Variants in NEK6 observed in about 807,000 individuals in gnomAD.
NEK6 encodes the protein NIMA related kinase 6.
Under a neutral mutation model 43.5 loss-of-function variants are expected in NEK6, and 27 were observed. The observed-to-expected ratio is 0.62, with a 90% CI of 0.46 to 0.86. The LOEUF (loss-of-function observed/expected upper bound fraction) is 0.86, where lower values mean the gene tolerates loss of function less well. NEK6 is among the 40% of genes least tolerant of loss of function. The probability of loss-of-function intolerance (pLI) is 0.00; values close to 1 mark genes in which losing one functional copy is unlikely to be tolerated. For missense variants in NEK6, 318 were observed against 414.4 expected (o/e 0.77, Z 2.02); for synonymous variants, 167 against 164.1 (o/e 1.02, Z -0.14).
chr9:124,295,124 C>G (rs552625021), intron 1 of NEK6, among the ~76,000 whole-genome samples: 1 of 152,222 alleles, frequency 6.6e-6, no homozygotes. Context: ...AAGGGGGCAG[C>G]GGGGAACCTG....
rs1291005712 is a variant in NEK6 at position 124,352,027 on chromosome 9, TTTC to T, written c.*1083_*1085del. 2 of 152,700 alleles carry T rather than the reference TTTC, an allele frequency of 1.3e-5. No individual in the cohort carries two copies. Among genetic ancestry groups the T allele is most frequent in the Non-Finnish European group, 2.9e-5 (2 of 68,052 alleles). The allele number at this position is 152,700 out of a possible 1,614,324, so 9.5% of individuals were successfully genotyped here. A position where few individuals can be genotyped will look rare whatever the true frequency, so the allele number is the denominator to read the frequency against. On this transcript the variant is annotated 3_prime_UTR_variant, in exon 10 of 10. Transcript: ENST00000320246. ...TAGGAAACCAGAAATGTGTTCCTTA[TTTC>T]TTGTTCCCAAACAGGATTAACTGTG...
intron 1 of NEK6, among the ~76,000 whole-genome samples, chr9:124,266,073 CGTG>C (rs1255368535): frequency 2.0e-5 from 3 of 152,002 alleles, no homozygotes; most frequent in Non-Finnish European, 4.4e-5. Context: ...TGGAGGGAGA[CGTG>C]GGGTTTGCCA....
chr9:124,293,225 C>G (rs757100317), intron 1 of NEK6, among the ~76,000 whole-genome samples: 5 of 152,168 alleles, frequency 3.3e-5, no homozygotes, highest in African/African-American at 4.8e-5. Flanking sequence ...TGCATGAGCT[C>G]GACAAGTCAT....
chr9:124,287,585 G>A (rs1407500191), intron 1 of NEK6, among the ~76,000 whole-genome samples: 1 of 152,224 alleles, frequency 6.6e-6, no homozygotes, highest in Non-Finnish European at 1.5e-5. Context: ...AACACTTTGG[G>A]AGGCTGAGGT....
At chr9:124,312,680 C>T (rs1226553438) in intron 3 of NEK6, 31 bp downstream of exon 3, 1 of 1,592,386 alleles carries the variant, frequency 6.3e-7, no homozygotes, top group Admixed American at 1.7e-5. Flanking sequence ...GTCAAACCTG[C>T]ATCTCGGGAG....
chr9:124,337,159 G>A (rs999570302), intron 7 of NEK6, among the ~76,000 whole-genome samples: 1 of 152,222 alleles, frequency 6.6e-6, no homozygotes, highest in Non-Finnish European at 1.5e-5. Flanking sequence ...GTGATGGAGA[G>A]CTCACTGCTT....
At chr9:124,287,292 G>T (rs1832208922) in intron 1 of NEK6, among the ~76,000 whole-genome samples, 1 of 152,216 alleles carries the variant, frequency 6.6e-6, no homozygotes, top group African/African-American at 2.4e-5. Flanking sequence ...GGGCCAGCCT[G>T]GTTGGGCCTG....
At chr9:124,259,908 G>T (rs533897613) in intron 1 of NEK6, among the ~76,000 whole-genome samples, 1 of 152,310 alleles carries the variant, frequency 6.6e-6, no homozygotes, top group Non-Finnish European at 1.5e-5. Context: ...GAAATGGAGC[G>T]CCTGGCTTTA....
intron 1 of NEK6, among the ~76,000 whole-genome samples, chr9:124,260,437 A>G (rs755797389): frequency 5.3e-5 from 8 of 152,142 alleles, no homozygotes; most frequent in Non-Finnish European, 8.8e-5. Context: ...TCTGTTGCCC[A>G]GGCTGGAGTA....
intron 1 of NEK6, among the ~76,000 whole-genome samples, chr9:124,285,971 G>A (rs971898916): frequency 1.3e-5 from 2 of 152,218 alleles, no homozygotes; most frequent in African/African-American, 4.8e-5. Context: ...CAGATAAACT[G>A]AGGCCCAGAG....
chr9:124,290,965 C>T (rs970133222), intron 1 of NEK6, among the ~76,000 whole-genome samples: 1 of 152,156 alleles, frequency 6.6e-6, no homozygotes, highest in East Asian at 1.9e-4. Flanking sequence ...TGCAGGGTCC[C>T]GAAGGGAAGA....
chr9:124,286,661 C>T (rs1388620389), intron 1 of NEK6, among the ~76,000 whole-genome samples: 1 of 152,230 alleles, frequency 6.6e-6, no homozygotes, highest in East Asian at 1.9e-4. Context: ...CTCCTGGGCT[C>T]CTGAGCCACT....
intron 1 of NEK6, among the ~76,000 whole-genome samples, chr9:124,263,970 T>C (rs962239913): frequency 3.9e-5 from 6 of 152,196 alleles, no homozygotes; most frequent in Non-Finnish European, 8.8e-5. Context: ...GCAAGGCAGA[T>C]GTTTTGTTAA....
intron 1 of NEK6, among the ~76,000 whole-genome samples, chr9:124,276,928 G>A (rs1253482258): frequency 6.6e-6 from 1 of 152,206 alleles, no homozygotes; most frequent in Non-Finnish European, 1.5e-5. Context: ...GGGTCAAGGG[G>A]TCTTAGGTGC....
intron 1 of NEK6, chr9:124,292,327 G>C (rs1393092448): frequency 6.9e-7 from 1 of 1,443,828 alleles, no homozygotes; most frequent in Non-Finnish European, 9.1e-7. Flanking sequence ...GGTGGCTGCT[G>C]ATGGCTGCTT....
chr9:124,284,614 C>T (rs1256134333), intron 1 of NEK6, among the ~76,000 whole-genome samples: 1 of 152,250 alleles, frequency 6.6e-6, no homozygotes, highest in Non-Finnish European at 1.5e-5. Context: ...AGGACTGAGG[C>T]GGTCTCTATG....
chr9:124,269,565 A>T (rs1339552775), intron 1 of NEK6, among the ~76,000 whole-genome samples: 1 of 151,490 alleles, frequency 6.6e-6, no homozygotes, highest in Non-Finnish European at 1.5e-5. Context: ...TTTAGTAGAG[A>T]TGGGTTTCAC....
intron 1 of NEK6, 131 bp from the exon 2 acceptor site, chr9:124,301,805 G>C (rs777733684): frequency 1.2e-5 from 9 of 730,854 alleles, no homozygotes; most frequent in Non-Finnish European, 1.9e-5. Flanking sequence ...TCGGAGCTGG[G>C]TGACCGTGGG....
At chr9:124,272,659 C>A (rs1432304830) in intron 1 of NEK6, among the ~76,000 whole-genome samples, 1 of 152,240 alleles carries the variant, frequency 6.6e-6, no homozygotes. Context: ...CCCAGGCTCT[C>A]CTGAGACTCA....
Sources: allele counts gnomAD v4.1 joint callset (sites outside exome capture counted in the v4.1 genomes callset), GRCh38; gene constraint gnomAD v4.1.1; transcripts MANE v1.5; gene names NCBI Gene and HGNC (gene_info 2026-07-23, HGNC 2026-07-21).